MYO3B: variants seen among roughly 807,000 people sequenced by gnomAD.
The protein encoded by MYO3B is myosin IIIB, also known as myosin-IIIb.
A neutral mutation model predicts 174.6 loss-of-function variants in MYO3B; 156 were observed. The observed-to-expected ratio is 0.89, with a 90% confidence interval of 0.78 to 1.02. The LOEUF is 1.02. Ranked by LOEUF, MYO3B falls within the 50% of genes least tolerant of loss-of-function variation. The pLI, the probability that MYO3B is intolerant of heterozygous loss-of-function variation, is 0.00. For synonymous variants in MYO3B, 563 were observed against 569.1 expected (o/e 0.99, Z 0.15); for missense variants, 1,632 against 1,639.4 (o/e 1.00, Z 0.08).
At chr2:170,410,219 C>T (rs1361096876) in intron 22 of MYO3B, among the ~76,000 whole-genome samples, 1 of 152,096 alleles carries the variant, frequency 6.6e-6, no homozygotes, top group African/African-American at 2.4e-5. Flanking sequence ...ATATTATGGT[C>T]AATTACTTTA....
chr2:170,635,574 T>A (rs947059460), intron 32 of MYO3B, among the ~76,000 whole-genome samples: 1 of 152,092 alleles, frequency 6.6e-6, no homozygotes, highest in Non-Finnish European at 1.5e-5. Context: ...GTAACAAACC[T>A]GCACATTGTG....
chr2:170,186,607 GT>G (rs751468729), intron 1 of MYO3B, among the ~76,000 whole-genome samples: 34 of 152,110 alleles, frequency 2.2e-4, no homozygotes, highest in South Asian at 6.2e-4. Context: ...CCTTTGTCAG[GT>G]TTTGGTATCA....
chr2:170,621,075 G>A (rs1235976722), intron 32 of MYO3B, among the ~76,000 whole-genome samples: 1 of 152,038 alleles, frequency 6.6e-6, no homozygotes, highest in Non-Finnish European at 1.5e-5. Flanking sequence ...TTTTAGCAGA[G>A]ACAGGGTTTC....
At chr2:170,294,795 G>C (rs2105427635) in intron 7 of MYO3B, among the ~76,000 whole-genome samples, 1 of 152,262 alleles carries the variant, frequency 6.6e-6, no homozygotes, top group African/African-American at 2.4e-5. Flanking sequence ...TGGACTTTGA[G>C]TGATAGTGAT....
At chr2:170,244,161 A>G (rs1465256623) in intron 7 of MYO3B, among the ~76,000 whole-genome samples, 3 of 152,170 alleles carry the variant, frequency 2.0e-5, no homozygotes, top group Non-Finnish European at 4.4e-5. Context: ...GATGAGTCGT[A>G]TGACTGGTCT....
intron 25 of MYO3B, among the ~76,000 whole-genome samples, chr2:170,485,000 T>G (rs1490071575): frequency 1.3e-5 from 2 of 152,124 alleles, no homozygotes; most frequent in African/African-American, 2.4e-5. Context: ...TCTAGTATTT[T>G]GGGTTTCTGA....
chr2:170,400,650 C>G (rs928463007), intron 17 of MYO3B, among the ~76,000 whole-genome samples: 11 of 91,558 alleles, frequency 1.2e-4, no homozygotes, highest in African/African-American at 3.5e-4. Context: ...TGATCCACCC[C>G]CCCCCCCTCG....
chr2:170,297,163 T>C (rs2093634021), intron 7 of MYO3B, among the ~76,000 whole-genome samples: 1 of 152,176 alleles, frequency 6.6e-6, no homozygotes. Flanking sequence ...CAATAAACTT[T>C]TATTTAACAT....
intron 28 of MYO3B, among the ~76,000 whole-genome samples, chr2:170,514,257 T>C (rs1688155194): frequency 6.6e-6 from 1 of 152,146 alleles, no homozygotes; most frequent in African/African-American, 2.4e-5. Flanking sequence ...GAAGAAGAGA[T>C]GTGACAGCTG....
chr2:170,365,659 G>T (rs980718002), intron 8 of MYO3B, among the ~76,000 whole-genome samples: 2 of 152,118 alleles, frequency 1.3e-5, no homozygotes, highest in African/African-American at 4.8e-5. Context: ...TTAGAATAAA[G>T]CTATACCTTC....
intron 25 of MYO3B, among the ~76,000 whole-genome samples, chr2:170,493,130 G>C (rs1414983655): frequency 5.3e-5 from 8 of 152,160 alleles, no homozygotes; most frequent in Non-Finnish European, 1.2e-4. Context: ...ATAGCATTTT[G>C]TTGGGACCTC....
intron 30 of MYO3B, among the ~76,000 whole-genome samples, chr2:170,542,353 A>G (rs1245721192): frequency 6.6e-6 from 1 of 152,260 alleles, no homozygotes; most frequent in South Asian, 2.1e-4. Flanking sequence ...AGATGTTAAT[A>G]GGTTATCACT....
At chr2:170,200,911 T>C (rs1048358535) in intron 3 of MYO3B, among the ~76,000 whole-genome samples, 1 of 152,208 alleles carries the variant, frequency 6.6e-6, no homozygotes, top group African/African-American at 2.4e-5. Flanking sequence ...CAGCCAATCA[T>C]TGCCTGCATG....
rs940914381 is a variant in MYO3B at position 170,401,673 on chromosome 2, A to G, written c.2111A>G (p.Gln704Arg). The G allele has an allele frequency of 6.2e-7, 1 of 1,613,902 alleles. No homozygotes were observed. Among genetic ancestry groups the G allele is most frequent in the African/African-American group, 1.3e-5 (1 of 75,048 alleles). ...GTGAATCGCATTAATACACTCCTGC[A>G]GCCAGACGAAAACATATGGCAAGTT... ...WIVNRINTLL[Q>R]PDENICSAGG... Residue 704 changes from glutamine (Q) to arginine (R), a missense_variant, in exon 18 of 35, where the codon CAG (glutamine) becomes CGG (arginine). Gln to Arg is a conservative substitution (Grantham distance 43). Coordinates refer to ENST00000408978, the MANE Select transcript of MYO3B (RefSeq NM_138995.5).
intron 25 of MYO3B, among the ~76,000 whole-genome samples, chr2:170,492,677 A>G (rs1686568514): frequency 1.3e-5 from 2 of 152,118 alleles, no homozygotes; most frequent in East Asian, 1.9e-4. Context: ...CTCCTTCTCC[A>G]TGGTGCCCTC....
chr2:170,236,855 C>T (rs1022744277), intron 7 of MYO3B, among the ~76,000 whole-genome samples: 1 of 152,182 alleles, frequency 6.6e-6, no homozygotes, highest in African/African-American at 2.4e-5. Context: ...CAAAGGAAGG[C>T]TCTGGGCAGG....
At chr2:170,609,660 A>G (rs1451437360) in intron 32 of MYO3B, among the ~76,000 whole-genome samples, 3 of 152,304 alleles carry the variant, frequency 2.0e-5, no homozygotes, top group Admixed American at 6.5e-5. Flanking sequence ...CTTTCTCCCT[A>G]TGGTTCAATG....
chr2:170,335,324 T>G, intron 7 of MYO3B, 61 bp from the exon 8 acceptor site: 1 of 1,240,478 alleles, frequency 8.1e-7, no homozygotes, highest in Non-Finnish European at 1.2e-6. Flanking sequence ...AAAAACAAGT[T>G]GATATTTTGC....
intron 8 of MYO3B, among the ~76,000 whole-genome samples, chr2:170,354,621 C>G (rs1210953065): frequency 6.6e-6 from 1 of 152,188 alleles, no homozygotes; most frequent in Non-Finnish European, 1.5e-5. Flanking sequence ...CTCCCCCTCC[C>G]CCTTCTTTCC....
Sources: gnomAD v4.1 joint callset for allele counts (sites outside exome capture counted in the v4.1 genomes callset) on GRCh38, gnomAD v4.1.1 for gene constraint, MANE v1.5 for transcripts, NCBI Gene and HGNC (gene_info 2026-07-23, HGNC 2026-07-21) for gene names.